Variants in DNAH11 observed in about 807,000 individuals in gnomAD.
DNAH11 encodes dynein axonemal heavy chain 11.
In DNAH11, 442 loss-of-function variants were observed where a neutral mutation model predicts 526.0. The observed-to-expected ratio is 0.84, with a 90% CI of 0.78 to 0.91. The LOEUF is 0.91. Ranked by LOEUF, DNAH11 falls within the 40% of genes least tolerant of loss-of-function variation. The pLI, the probability that DNAH11 is intolerant of heterozygous loss-of-function variation, is 0.00. For missense variants in DNAH11, 6,989 were observed against 5,448.7 expected (o/e 1.28, Z -8.90); for synonymous variants, 2,461 against 1,935.9 (o/e 1.27, Z -7.12).
At chr7:21,803,861 TATC>T (rs1389363410) in intron 62 of DNAH11, among the ~76,000 whole-genome samples, 7 of 148,830 alleles carry the variant, frequency 4.7e-5, no homozygotes, top group African/African-American at 1.3e-4. Context: ...GGAATGGGGC[TATC>T]ATCATTGAAG....
Position 21,739,348 on chromosome 7 carries a change from C to A in DNAH11, c.7812-223C>A, listed in dbSNP as rs2965362. Reference sequence around the variant, plus strand: ...AATAAGCAGTAATAGTTTACATTGACGCAGCTCCAGATCTTGATTTTTGTC... The same window carrying A: ...AATAAGCAGTAATAGTTTACATTGAAGCAGCTCCAGATCTTGATTTTTGTC... On this transcript the variant is annotated intron_variant, in intron 47 of 81. Transcript: ENST00000409508. 0.13 allele frequency among the ~76,000 whole-genome samples: 20,384 copies of A among 152,072 alleles called. 2,017 individuals carry two copies. The highest frequency in any genetic ancestry group is 0.34 in the East Asian group (1,774 of 5,180).
At chr7:21,790,923 AC>A (rs1264044745) in intron 61 of DNAH11, among the ~76,000 whole-genome samples, 1 of 152,244 alleles carries the variant, frequency 6.6e-6, no homozygotes, top group African/African-American at 2.4e-5. Context: ...AAAGATTTTA[AC>A]AAGTTAATGA....
At chr7:21,574,473 C>G (rs1373735001) in intron 8 of DNAH11, among the ~76,000 whole-genome samples, 1 of 152,066 alleles carries the variant, frequency 6.6e-6, no homozygotes, top group Non-Finnish European at 1.5e-5. Flanking sequence ...ATTATAGTTT[C>G]CAGTTGGTGG....
chr7:21,729,217 A>G (rs931781402), intron 45 of DNAH11, among the ~76,000 whole-genome samples: 3 of 152,236 alleles, frequency 2.0e-5, no homozygotes, highest in Non-Finnish European at 4.4e-5. Context: ...CTTGTCCTGT[A>G]GAATCTAAGA....
chr7:21,733,097 G>C (rs941446979), intron 45 of DNAH11, among the ~76,000 whole-genome samples: 2 of 152,202 alleles, frequency 1.3e-5, no homozygotes, highest in Non-Finnish European at 2.9e-5. Flanking sequence ...CAAAGAAGAA[G>C]CAGGGAAGGC....
intron 28 of DNAH11, among the ~76,000 whole-genome samples, chr7:21,653,738 T>G (rs73074150): frequency 2.0e-5 from 3 of 152,288 alleles, no homozygotes; most frequent in South Asian, 2.1e-4. Context: ...CTATCTGTGT[T>G]TAAAGTAAGC....
intron 46 of DNAH11, among the ~76,000 whole-genome samples, chr7:21,736,488 G>A (rs2906680): frequency 0.93 from 141,581 of 152,254 alleles, 65,893 homozygotes; most frequent in African/African-American, 0.94. Context: ...TCTGATATCC[G>A]GTTGTTTATT....
intron 68 of DNAH11, among the ~76,000 whole-genome samples, chr7:21,861,026 A>G (rs1458278518): frequency 6.6e-6 from 1 of 152,190 alleles, no homozygotes; most frequent in Non-Finnish European, 1.5e-5. Context: ...ACACATGGGA[A>G]TTATGGGAGC....
chr7:21,818,307 A>C lies in DNAH11; in HGVS notation c.10659A>C (p.Pro3553=), dbSNP rs986491571. 1.2e-6 allele frequency: 2 copies of C among 1,608,920 alleles called. No individual in the cohort carries two copies. The highest frequency in any genetic ancestry group is 2.7e-5 in the African/African-American group (2 of 74,720). ...AAACGATAGATCCAGTCCTGGATCC[A>C]CTACTTGGCAGGAACACAATTAAAA... is the stretch of plus-strand genomic sequence containing the variant. The part of the protein sequence containing the change: ...LEETIDPVLD[P]LLGRNTIKKG... The change falls in exon 65 of 82, where the codon CCA becomes CCC. Residue 3553 remains proline, a synonymous_variant. Transcript: ENST00000409508.
chr7:21,562,041 G>GTTCT (rs1783479078), intron 5 of DNAH11, among the ~76,000 whole-genome samples: 1 of 151,984 alleles, frequency 6.6e-6, no homozygotes, highest in Non-Finnish European at 1.5e-5. Flanking sequence ...TACAGCAGGG[G>GTTCT]CTCTGTAAGA....
rs116426478 is a variant in DNAH11, at chr7:21,776,304, C to T, written c.9336+2305C>T. Reference sequence around the variant, plus strand: ...TCATTAGGTATTTGTGCATGGAATGCTCTTACTATCAAAAAAGTGGTTGGA... The same window carrying T: ...TCATTAGGTATTTGTGCATGGAATGTTCTTACTATCAAAAAAGTGGTTGGA... On this transcript the variant is annotated intron_variant, in intron 56 of 81. Coordinates refer to ENST00000409508, the MANE Select transcript of DNAH11 (RefSeq NM_001277115.2). Among the ~76,000 whole-genome samples the T allele has an allele frequency of 3.7e-3, 570 of 152,292 alleles. 1 individual carries two copies. The highest frequency in any genetic ancestry group is 0.013 in the African/African-American group (552 of 41,548).
intron 14 of DNAH11, among the ~76,000 whole-genome samples, chr7:21,595,772 T>C (rs763611671): frequency 6.6e-6 from 1 of 151,778 alleles, no homozygotes; most frequent in Non-Finnish European, 1.5e-5. Flanking sequence ...GGCAATGATA[T>C]TTAAGCCAGG....
Position 21,854,440 on chromosome 7 carries a change from C to G in DNAH11, c.11187C>G (p.Tyr3729Ter). 6.2e-7 allele frequency: 1 copy of G among 1,613,708 alleles called. No homozygotes were observed. The highest frequency in any genetic ancestry group is 2.2e-5 in the East Asian group (1 of 44,842). The change falls in exon 68 of 82, where the codon TAC (tyrosine) becomes TAG (stop). Residue 3729 changes from tyrosine (Y) to a stop codon, truncating the protein, a stop_gained. Coordinates refer to ENST00000409508, the MANE Select transcript of DNAH11 (RefSeq NM_001277115.2). LOFTEE classifies it high-confidence loss of function. ...INDLQKINPL[Y>*]QFSLKAFNVL... The stretch of plus-strand genomic sequence containing the variant: ...ACCTCCAAAAAATCAACCCCCTCTA[C>G]CAATTCTCTTTGAAGGTAATGCTGA...
intron 25 of DNAH11, among the ~76,000 whole-genome samples, chr7:21,628,583 A>G (rs537357352): frequency 6.6e-6 from 1 of 152,248 alleles, no homozygotes; most frequent in Non-Finnish European, 1.5e-5. Flanking sequence ...TTGATGTGCT[A>G]CATCACATTT....
intron 79 of DNAH11, among the ~76,000 whole-genome samples, chr7:21,896,593 C>G (rs1296956291): frequency 6.6e-6 from 1 of 152,182 alleles, no homozygotes; most frequent in East Asian, 1.9e-4. Context: ...AGCTTTTATT[C>G]TGAAAAAGTC....
At chr7:21,631,829 G>C (rs898340931) in intron 25 of DNAH11, among the ~76,000 whole-genome samples, 4 of 152,166 alleles carry the variant, frequency 2.6e-5, no homozygotes, top group Admixed American at 2.0e-4. Context: ...CCTTTCTGGG[G>C]TCTGGAGGAC....
At chr7:21,610,257 AAAAC>A (rs932358848) in intron 20 of DNAH11, among the ~76,000 whole-genome samples, 3 of 152,148 alleles carry the variant, frequency 2.0e-5, no homozygotes, top group African/African-American at 7.2e-5. Flanking sequence ...CCATCTCAAA[AAAAC>A]AAAAACAAAA....
chr7:21,752,222 A>C (rs1474721407), intron 54 of DNAH11, among the ~76,000 whole-genome samples: 1 of 152,242 alleles, frequency 6.6e-6, no homozygotes, highest in East Asian at 1.9e-4. Context: ...CTACAGGATA[A>C]ATTCCTAGAA....
chr7:21,811,577 T>A (rs1424867814), intron 63 of DNAH11, among the ~76,000 whole-genome samples: 1 of 151,700 alleles, frequency 6.6e-6, no homozygotes, highest in Non-Finnish European at 1.5e-5. Flanking sequence ...GAGGGAGGAA[T>A]GGGGAGTTAT....
Sources: gnomAD v4.1 joint callset for allele counts (sites outside exome capture counted in the v4.1 genomes callset) on GRCh38, gnomAD v4.1.1 for gene constraint, MANE v1.5 for transcripts, NCBI Gene and HGNC (gene_info 2026-07-23, HGNC 2026-07-21) for gene names.